NTM: variants seen among roughly 807,000 people sequenced by gnomAD.
The protein encoded by NTM is IgLON family member 2.
Under a neutral mutation model 42.1 loss-of-function variants are expected in NTM, and 13 were observed. The observed-to-expected ratio is 0.31, with a 90% CI of 0.20 to 0.49. The LOEUF is 0.49. NTM is among the 20% of genes least tolerant of loss of function. The probability of loss-of-function intolerance (pLI) is 0.99; values close to 1 mark genes in which losing one functional copy is unlikely to be tolerated. For synonymous variants in NTM, 187 were observed against 179.2 expected, an observed-to-expected ratio of 1.04 and a Z score of -0.35; for missense variants, 373 against 452.8, an observed-to-expected ratio of 0.82 and a Z score of 1.60.
At chr11:132,162,751 TTGTG>T (rs34962266) in intron 3 of NTM, among the ~76,000 whole-genome samples, 35,849 of 144,088 alleles carry the variant, frequency 0.25, 5,551 homozygotes, top group Non-Finnish European at 0.35. Flanking sequence ...GTGTATGTGT[TTGTG>T]TGGGACATGT....
At chr11:132,330,830 G>A (rs2095789398) in intron 8 of NTM, among the ~76,000 whole-genome samples, 1 of 152,198 alleles carries the variant, frequency 6.6e-6, no homozygotes, top group African/African-American at 2.4e-5. Context: ...GTGGAGTGGA[G>A]GCGTGGCTGA....
At chr11:131,605,577 T>C (rs766712182) in intron 1 of NTM, 11 of 153,454 alleles carry the variant, frequency 7.2e-5, no homozygotes, top group Non-Finnish European at 1.4e-4. Context: ...AGTGCTATGC[T>C]GAATGCAAGT....
chr11:131,836,833 G>T (rs1466329617), intron 1 of NTM, among the ~76,000 whole-genome samples: 2 of 152,116 alleles, frequency 1.3e-5, no homozygotes, highest in African/African-American at 4.8e-5. Flanking sequence ...TAATTAGTTG[G>T]ATCAAAATAA....
At chr11:132,317,581 AAATATATAGC>A (rs1479398422) in intron 7 of NTM, 1 of 844,346 alleles carries the variant, frequency 1.2e-6, no homozygotes, top group Non-Finnish European at 1.7e-6. Flanking sequence ...TATATATGAC[AAATATATAGC>A]ACTGTATATA....
At chr11:131,911,220 G>C (rs2054877970) in intron 1 of NTM, 6 of 1,385,646 alleles carry the variant, frequency 4.3e-6, no homozygotes, top group Non-Finnish European at 5.6e-6. Context: ...CCTTCCCGGC[G>C]GAAGCAGCGA....
intron 4 of NTM, among the ~76,000 whole-genome samples, chr11:132,231,983 G>A (rs1379083955): frequency 6.6e-6 from 1 of 152,162 alleles, no homozygotes; most frequent in African/African-American, 2.4e-5. Context: ...CCTAGGCGAT[G>A]TAGCTGCCAA....
At position 131,413,943 on chromosome 11, in the gene NTM, T is replaced by C. The variant is rs566769531; in HGVS notation, c.82+43055T>C. 1.2e-3 allele frequency among the ~76,000 whole-genome samples: 183 copies of C among 152,174 alleles called. 1 individual carries two copies. Among genetic ancestry groups the C allele is most frequent in the African/African-American group, 4.1e-3 (170 of 41,516 alleles). On this transcript the variant is annotated intron_variant, in intron 1 of 8. Transcript: ENST00000683400. ...CCTGTGGCGAAAGGCAGAGGGAAGG[T>C]GCAGGGACAATCTCTGGTAGAGTAA...
At chr11:132,192,531 G>T (rs1315759944) in intron 3 of NTM, among the ~76,000 whole-genome samples, 2 of 152,126 alleles carry the variant, frequency 1.3e-5, no homozygotes, top group Non-Finnish European at 2.9e-5. Flanking sequence ...ACATGGAAAA[G>T]AAAGAATAGT....
At chr11:132,028,245 GT>G (rs200489405) in intron 2 of NTM, among the ~76,000 whole-genome samples, 19,702 of 132,080 alleles carry the variant, frequency 0.15, 1,449 homozygotes, top group Admixed American at 0.2. Flanking sequence ...CTTCCAGCTG[GT>G]TTTTTTTTTT....
chr11:131,530,001 T>A (rs1312296123), intron 1 of NTM, among the ~76,000 whole-genome samples: 2 of 152,190 alleles, frequency 1.3e-5, no homozygotes, highest in Non-Finnish European at 2.9e-5. Flanking sequence ...AGAGGCAGAC[T>A]GGGTATTCGT....
At chr11:131,920,023 G>A (rs987526535) in intron 2 of NTM, among the ~76,000 whole-genome samples, 1 of 152,122 alleles carries the variant, frequency 6.6e-6, no homozygotes. Context: ...ATATTTCTTT[G>A]TTTTTCGTAA....
At chr11:131,840,668 C>T (rs1654441345) in intron 1 of NTM, among the ~76,000 whole-genome samples, 1 of 152,042 alleles carries the variant, frequency 6.6e-6, no homozygotes, top group African/African-American at 2.4e-5. Context: ...AGTGAAATGA[C>T]CTAAAAATGA....
rs1592632536 is a variant in NTM at position 131,893,273 on chromosome 11, G to C, written c.83-18291G>C. 2.0e-5 allele frequency among the ~76,000 whole-genome samples: 3 copies of C among 152,318 alleles called. No homozygotes were observed. In the East Asian group the frequency reaches 5.8e-4, roughly 29 times the overall value. On this transcript the variant is annotated intron_variant, in intron 1 of 8. Coordinates refer to ENST00000683400, the MANE Select transcript of NTM (RefSeq NM_001352005.2). ...ATTTGAAAGTGAGAATGTAGGAGGAGCAGAGGGGGAGCCAGAAGCCCACTC... is the reference window on the plus strand; with the variant it reads ...ATTTGAAAGTGAGAATGTAGGAGGACCAGAGGGGGAGCCAGAAGCCCACTC...
chr11:131,716,009 A>C (rs770070051), intron 1 of NTM, among the ~76,000 whole-genome samples: 4 of 152,208 alleles, frequency 2.6e-5, no homozygotes, highest in Non-Finnish European at 5.9e-5. Context: ...CTGCTGTAAC[A>C]AAACATTATT....
chr11:131,961,794 G>A (rs1338761059), intron 2 of NTM, among the ~76,000 whole-genome samples: 1 of 152,190 alleles, frequency 6.6e-6, no homozygotes, highest in Non-Finnish European at 1.5e-5. Context: ...CCCATGCCAT[G>A]CAACCTTTCC....
At position 132,336,239 on chromosome 11, in the gene NTM, C is replaced by G. The variant is rs1197647010; in HGVS notation, c.*1093C>G. The G allele has an allele frequency of 6.6e-6, 1 of 152,566 alleles. No individual in the cohort carries two copies. Among genetic ancestry groups the G allele is most frequent in the African/African-American group, 2.4e-5 (1 of 41,432 alleles). The allele number at this position is 152,566 out of a possible 1,614,324, so 9.5% of individuals were successfully genotyped here. On this transcript the variant is annotated 3_prime_UTR_variant, in exon 9 of 9. Transcript: ENST00000683400. Reference sequence around the variant, plus strand: ...TTTATTTCTCCGCAGGGTCCTTTCTCAGACATTACTGCATGCTGTATATGG... The same window carrying G: ...TTTATTTCTCCGCAGGGTCCTTTCTGAGACATTACTGCATGCTGTATATGG...
intron 1 of NTM, among the ~76,000 whole-genome samples, chr11:131,463,777 T>C (rs1951630202): frequency 6.6e-6 from 1 of 152,188 alleles, no homozygotes; most frequent in South Asian, 2.1e-4. Context: ...TCGGCGCCTC[T>C]CAGACTCAGC....
chr11:131,773,310 A>G (rs1527775), intron 1 of NTM, among the ~76,000 whole-genome samples: 68,702 of 152,018 alleles, frequency 0.45, 16,529 homozygotes, highest in East Asian at 0.63. Context: ...TGAACTAATC[A>G]CATCCCCAAA....
intron 2 of NTM, among the ~76,000 whole-genome samples, chr11:132,132,185 G>A (rs553946929): frequency 4.4e-4 from 67 of 150,938 alleles, no homozygotes; most frequent in Non-Finnish European, 6.9e-4. Context: ...CCCAATCCCC[G>A]TCAGGATCCT....
Sources: gnomAD v4.1 joint callset for allele counts (sites outside exome capture counted in the v4.1 genomes callset) on GRCh38, gnomAD v4.1.1 for gene constraint, MANE v1.5 for transcripts, NCBI Gene and HGNC (gene_info 2026-07-23, HGNC 2026-07-21) for gene names.